The following TBC1D12 variants were observed in gnomAD, a reference collection of about 807,000 sequenced individuals.
TBC1D12 encodes TBC1 domain family member 12.
Under a neutral mutation model 86.7 loss-of-function variants are expected in TBC1D12, and 56 were observed. The ratio of observed to expected loss-of-function variants is 0.65; its 90% CI spans 0.52 to 0.81. The LOEUF is 0.81. Ranked by LOEUF, TBC1D12 falls within the 30% of genes least tolerant of loss-of-function variation. TBC1D12 has a pLI of 0.00. For synonymous variants in TBC1D12, 421 were observed against 411.7 expected (o/e 1.02, Z -0.27); for missense variants, 1,023 against 1,038.8 (o/e 0.98, Z 0.21).
At chr10:94,440,468 CCT>C (rs1290870161) in intron 1 of TBC1D12, among the ~76,000 whole-genome samples, 1 of 152,128 alleles carries the variant, frequency 6.6e-6, no homozygotes, top group Non-Finnish European at 1.5e-5. Flanking sequence ...AGCCACTATG[CCT>C]GGCCATTTCT....
chr10:94,488,211 C>T (rs949464400), intron 3 of TBC1D12, among the ~76,000 whole-genome samples: 1 of 150,628 alleles, frequency 6.6e-6, no homozygotes, highest in Admixed American at 6.6e-5. Flanking sequence ...CATGGTGAAA[C>T]CCTGTCCCTA....
At chr10:94,504,393 C>A (rs575758270) in intron 6 of TBC1D12, among the ~76,000 whole-genome samples, 1 of 152,154 alleles carries the variant, frequency 6.6e-6, no homozygotes, top group African/African-American at 2.4e-5. Flanking sequence ...TTATTTCCAA[C>A]ATAATTTTCG....
intron 9 of TBC1D12, among the ~76,000 whole-genome samples, chr10:94,517,982 G>T (rs1207546666): frequency 6.6e-6 from 1 of 151,948 alleles, no homozygotes; most frequent in Non-Finnish European, 1.5e-5. Flanking sequence ...GCGAAATCCC[G>T]TCTCTACTAA....
chr10:94,412,946 T>C (rs1043226109), intron 1 of TBC1D12, among the ~76,000 whole-genome samples: 13 of 152,136 alleles, frequency 8.5e-5, no homozygotes, highest in Non-Finnish European at 1.3e-4. Flanking sequence ...CCCAAGTAGA[T>C]CCTGGGTGGG....
intron 11 of TBC1D12, among the ~76,000 whole-genome samples, chr10:94,527,138 G>A (rs568293994): frequency 3.4e-4 from 52 of 151,392 alleles, no homozygotes; most frequent in South Asian, 2.3e-3. Context: ...TGTTGCCCAG[G>A]CTGGAGTGCA....
At chr10:94,532,906 A>G (rs1433289154) in intron 12 of TBC1D12, 122 bp from the exon 13 acceptor site, 9 of 535,438 alleles carry the variant, frequency 1.7e-5, no homozygotes, top group Non-Finnish European at 2.5e-5. Flanking sequence ...AGAATGACAC[A>G]CTTTCGGGGA....
At chr10:94,464,702 T>C (rs1344131181) in intron 2 of TBC1D12, among the ~76,000 whole-genome samples, 1 of 152,234 alleles carries the variant, frequency 6.6e-6, no homozygotes, top group East Asian at 1.9e-4. Flanking sequence ...AAAGGGTTTT[T>C]GTTTATGGGA....
intron 2 of TBC1D12, among the ~76,000 whole-genome samples, chr10:94,444,637 T>C (rs1323586265): frequency 1.3e-5 from 2 of 152,216 alleles, no homozygotes; most frequent in Admixed American, 6.5e-5. Flanking sequence ...ACCATAAGTC[T>C]CTGAATAAAT....
intron 9 of TBC1D12, among the ~76,000 whole-genome samples, chr10:94,514,638 T>C (rs1381625828): frequency 6.6e-6 from 1 of 152,226 alleles, no homozygotes; most frequent in Non-Finnish European, 1.5e-5. Flanking sequence ...TTTGTATACA[T>C]ACACACACTC....
chr10:94,417,784 T>C (rs2134057933), intron 1 of TBC1D12, among the ~76,000 whole-genome samples: 1 of 151,196 alleles, frequency 6.6e-6, no homozygotes, highest in East Asian at 2.0e-4. Context: ...AGTCTCGCTC[T>C]GTCGCCCAGG....
At chr10:94,475,310 T>C in intron 3 of TBC1D12, among the ~76,000 whole-genome samples, 1 of 152,216 alleles carries the variant, frequency 6.6e-6, no homozygotes, top group South Asian at 2.1e-4. Context: ...AACAAAAGTT[T>C]TATTAAGGAA....
intron 9 of TBC1D12, among the ~76,000 whole-genome samples, chr10:94,517,190 C>G (rs1273650840): frequency 6.6e-6 from 1 of 152,184 alleles, no homozygotes; most frequent in Non-Finnish European, 1.5e-5. Flanking sequence ...CCAGCCTTGC[C>G]AACATGCCAA....
chr10:94,521,436 C>T (rs1418003881), intron 9 of TBC1D12, among the ~76,000 whole-genome samples: 2 of 152,060 alleles, frequency 1.3e-5, no homozygotes, highest in East Asian at 3.9e-4. Flanking sequence ...GCTTCTTTTC[C>T]ATTTTAGGTT....
intron 1 of TBC1D12, among the ~76,000 whole-genome samples, chr10:94,426,150 A>G (rs148235609): frequency 6.6e-6 from 1 of 151,718 alleles, no homozygotes; most frequent in Non-Finnish European, 1.5e-5. Context: ...TTTTAACTTA[A>G]TTTTTCTTGT....
intron 2 of TBC1D12, among the ~76,000 whole-genome samples, chr10:94,468,814 C>A (rs2055860656): frequency 6.6e-6 from 1 of 152,138 alleles, no homozygotes; most frequent in Non-Finnish European, 1.5e-5. Flanking sequence ...TCATAGTGTT[C>A]CCTAAAGCTC....
In TBC1D12 at chr10:94,402,840, C is replaced by T. The variant is rs1438724461; in HGVS notation, c.227C>T (p.Ala76Val). 1.3e-6 allele frequency: 2 copies of T among 1,536,800 alleles called. No individual in the cohort carries two copies. ...CAGCTCCTTCAGCGTTACCTCGCGG[C>T]GGCCGGGGAGCAGCTGGAGCCGGGG... is the stretch of plus-strand genomic sequence containing the variant. ...PRQLLQRYLA[A>V]AGEQLEPGLC... Residue 76 changes from alanine to valine, a missense_variant, in exon 1 of 13, where the codon GCG becomes GTG. Ala to Val is a moderately conservative substitution (Grantham distance 64, BLOSUM62 0). Transcript: ENST00000225235.
rs559647820 is a variant in TBC1D12, at chr10:94,479,681, A to G, written c.1211+4898A>G. 3.3e-4 allele frequency among the ~76,000 whole-genome samples: 50 copies of G among 152,318 alleles called. No individual in the cohort carries two copies. In the South Asian group the frequency reaches 3.3e-3, roughly 10 times the overall value. On this transcript the variant is annotated intron_variant, in intron 3 of 12. Coordinates refer to ENST00000225235, the MANE Select transcript of TBC1D12 (RefSeq NM_015188.2). ...GCAATACTAGGAATTATAAGATTCA[A>G]TGGATCTGGATGTGAGGACTAAACT...
At chr10:94,510,261 A>G (rs1259331121) in intron 8 of TBC1D12, 82 bp downstream of exon 8, 7 of 1,003,112 alleles carry the variant, frequency 7.0e-6, no homozygotes, top group Admixed American at 3.0e-5. Flanking sequence ...ATGAATAGCT[A>G]TTACTTTAAA....
intron 2 of TBC1D12, among the ~76,000 whole-genome samples, chr10:94,465,914 A>G (rs1380481940): frequency 6.6e-6 from 1 of 151,070 alleles, no homozygotes; most frequent in Non-Finnish European, 1.5e-5. Flanking sequence ...ATATACATAT[A>G]TACGTATATA....
Sources: gnomAD v4.1 joint callset for allele counts (sites outside exome capture counted in the v4.1 genomes callset) on GRCh38, gnomAD v4.1.1 for gene constraint, MANE v1.5 for transcripts, NCBI Gene and HGNC (gene_info 2026-07-23, HGNC 2026-07-21) for gene names.